APBA1: variants seen among roughly 807,000 people sequenced by gnomAD.
The protein encoded by APBA1 is amyloid-beta A4 precursor protein-binding family A member 1.
Under a neutral mutation model 86.6 loss-of-function variants are expected in APBA1, and 55 were observed. The observed-to-expected ratio is 0.64, with a 90% CI of 0.51 to 0.80. The LOEUF (loss-of-function observed/expected upper bound fraction) is 0.80, where lower values mean the gene tolerates loss of function less well. APBA1 is among the 30% of genes least tolerant of loss of function. The probability of loss-of-function intolerance (pLI) is 0.00; values close to 1 mark genes in which losing one functional copy is unlikely to be tolerated. For synonymous variants in APBA1, 511 were observed against 493.9 expected (o/e 1.03, Z -0.46); for missense variants, 1,090 against 1,183.0 (o/e 0.92, Z 1.15).
At chr9:69,607,356 G>A (rs555431537) in intron 1 of APBA1, among the ~76,000 whole-genome samples, 1 of 152,212 alleles carries the variant, frequency 6.6e-6, no homozygotes, top group African/African-American at 2.4e-5. Context: ...TCACTATCAT[G>A]AGAACAGCAT....
intron 2 of APBA1, 50 bp from the exon 3 acceptor site, chr9:69,476,193 A>G (rs755836937): frequency 1.4e-6 from 2 of 1,391,284 alleles, no homozygotes; most frequent in Admixed American, 1.8e-5. Context: ...GACTCGGCAG[A>G]CACTTGGCTG....
chr9:69,627,106 A>G (rs961239725), intron 1 of APBA1, among the ~76,000 whole-genome samples: 1 of 152,196 alleles, frequency 6.6e-6, no homozygotes. Context: ...CTTCAAAAGC[A>G]GGTCATTAGA....
At chr9:69,513,938 CT>C (rs1430708071) in intron 2 of APBA1, among the ~76,000 whole-genome samples, 3 of 152,188 alleles carry the variant, frequency 2.0e-5, no homozygotes, top group Non-Finnish European at 4.4e-5. Context: ...GCTCTTGACC[CT>C]TATCTTACTC....
intron 2 of APBA1, among the ~76,000 whole-genome samples, chr9:69,481,772 G>T (rs1835513725): frequency 2.0e-5 from 3 of 151,304 alleles, no homozygotes; most frequent in South Asian, 4.2e-4. Context: ...CCAAAACAGA[G>T]ATATAGATCA....
At chr9:69,560,096 C>T (rs145631313) in intron 1 of APBA1, among the ~76,000 whole-genome samples, 16 of 152,320 alleles carry the variant, frequency 1.1e-4, no homozygotes, top group African/African-American at 3.8e-4. Flanking sequence ...GGTTTAGTCA[C>T]ATCAACTGCC....
intron 1 of APBA1, among the ~76,000 whole-genome samples, chr9:69,666,136 T>C (rs1376407827): frequency 2.0e-5 from 3 of 152,176 alleles, no homozygotes; most frequent in Admixed American, 6.5e-5. Flanking sequence ...GGGCAAACAA[T>C]TGAAAATGAA....
At chr9:69,523,495 A>ATATATATT in intron 1 of APBA1, among the ~76,000 whole-genome samples, 1 of 14,842 alleles carries the variant, frequency 6.7e-5, no homozygotes, top group African/African-American at 1.5e-4. Flanking sequence ...ATATATATAT[A>ATATATATT]TGTATATATA....
intron 1 of APBA1, among the ~76,000 whole-genome samples, chr9:69,532,983 T>A (rs1422232547): frequency 3.3e-5 from 5 of 152,206 alleles, no homozygotes; most frequent in Non-Finnish European, 7.3e-5. Context: ...AATGCACAGT[T>A]TGTATTCACA....
chr9:69,491,749 TC>T (rs2133861294), intron 2 of APBA1, among the ~76,000 whole-genome samples: 1 of 148,528 alleles, frequency 6.7e-6, no homozygotes, highest in East Asian at 2.0e-4. Flanking sequence ...TAGTTACATT[TC>T]ATTTATCCCT....
Position 69,430,834 on chromosome 9 carries a change from T to G in APBA1, c.*493A>C, listed in dbSNP as rs1215022539. On this transcript the variant is annotated 3_prime_UTR_variant, in exon 13 of 13. Coordinates refer to ENST00000265381, the MANE Select transcript of APBA1 (RefSeq NM_001163.4). ...AATAATGTATGGTGCCCCAACTACA[T>G]GGCAGGCAGTGCATAACCTTAATGA... 1 of 153,852 alleles carries G rather than the reference T, an allele frequency of 6.5e-6. No individual in the cohort carries two copies. The highest frequency in any genetic ancestry group is 1.5e-5 in the Non-Finnish European group (1 of 68,924). 9.5% of individuals were successfully genotyped at this position (153,852 alleles called of 1,614,324 possible).
rs1326894743 is a variant in APBA1 at position 69,517,023 on chromosome 9, T to G, written c.188A>C (p.Gln63Pro). ...RGRALEDLRA[Q>P]LGQEEEERGE... ...GCGCTCCTCTTCCTCCTGGCCGAGC[T>G]GGGCGCGGAGGTCCTCGAGGGCTCG... is the stretch of plus-strand genomic sequence containing the variant. Residue 63 changes from glutamine to proline, a missense_variant, in exon 2 of 13, where the codon CAG becomes CCG. Gln to Pro is a moderately conservative substitution (Grantham distance 76). This residue lies in a region of APBA1 where 678 missense variants were observed against 647.1 expected (regional missense o/e 1.05). Coordinates refer to ENST00000265381, the MANE Select transcript of APBA1 (RefSeq NM_001163.4). The G allele has an allele frequency of 3.2e-6, 5 of 1,578,342 alleles. No individual in the cohort carries two copies. The highest frequency in any genetic ancestry group is 4.3e-6 in the Non-Finnish European group (5 of 1,168,944).
intron 2 of APBA1, among the ~76,000 whole-genome samples, chr9:69,505,015 G>A (rs1279145349): frequency 6.6e-6 from 1 of 151,898 alleles, no homozygotes; most frequent in African/African-American, 2.4e-5. Context: ...TTTGTTGGGG[G>A]GCGTCTACCG....
intron 1 of APBA1, among the ~76,000 whole-genome samples, chr9:69,596,568 C>T (rs1822234281): frequency 6.6e-6 from 1 of 152,186 alleles, no homozygotes; most frequent in African/African-American, 2.4e-5. Flanking sequence ...GGAGCTGCAG[C>T]CATCACACCC....
intron 1 of APBA1, among the ~76,000 whole-genome samples, chr9:69,636,986 A>AC (rs1564099107): frequency 8.2e-6 from 1 of 122,196 alleles, no homozygotes; most frequent in Non-Finnish European, 1.8e-5. Flanking sequence ...AAAGAAAGAA[A>AC]AATGTGATAC....
intron 1 of APBA1, among the ~76,000 whole-genome samples, chr9:69,521,174 A>T (rs1285188194): frequency 6.6e-6 from 1 of 152,138 alleles, no homozygotes; most frequent in Non-Finnish European, 1.5e-5. Context: ...CTGGTAAGGG[A>T]GGCCCCCTGA....
At position 69,459,364 on chromosome 9, in the gene APBA1, C is replaced by T. The variant is rs186997700; in HGVS notation, c.1483-1176G>A. Among the ~76,000 whole-genome samples the T allele has an allele frequency of 3.9e-5, 6 of 152,302 alleles. No individual in the cohort carries two copies. In the East Asian group the frequency reaches 1.2e-3, roughly 29 times the overall value. ...TATATACTTGCTGGTTCTTTAATCT[C>T]TTGTTCCATCATTTATTGAGTGTGT... On this transcript the variant is annotated intron_variant, in intron 5 of 12. Transcript: ENST00000265381.
chr9:69,538,712 T>C (rs1400656058), intron 1 of APBA1, among the ~76,000 whole-genome samples: 1 of 152,208 alleles, frequency 6.6e-6, no homozygotes, highest in Non-Finnish European at 1.5e-5. Context: ...TAAACTTCTA[T>C]AAACTGCCCA....
chr9:69,551,435 C>T (rs1452542393), intron 1 of APBA1, among the ~76,000 whole-genome samples: 2 of 151,984 alleles, frequency 1.3e-5, no homozygotes, highest in African/African-American at 4.8e-5. Context: ...CGCCTGTAAT[C>T]CCAGCTACTC....
chr9:69,527,855 T>C (rs527738155), intron 1 of APBA1, among the ~76,000 whole-genome samples: 1 of 152,274 alleles, frequency 6.6e-6, no homozygotes, highest in South Asian at 2.1e-4. Context: ...TATTCTATAA[T>C]CATTTTTTGT....
Sources: gnomAD v4.1 joint callset for allele counts (sites outside exome capture counted in the v4.1 genomes callset) on GRCh38, gnomAD v4.1.1 for gene constraint, gnomAD v4.1.1 regional missense constraint, MANE v1.5 for transcripts, NCBI Gene and HGNC (gene_info 2026-07-23, HGNC 2026-07-21) for gene names.